VPS13C: variants seen among roughly 807,000 people sequenced by gnomAD.
The protein encoded by VPS13C is intermembrane lipid transfer protein VPS13C.
A neutral mutation model predicts 456.8 loss-of-function variants in VPS13C; 358 were observed. The observed-to-expected ratio is 0.78, with a 90% CI of 0.72 to 0.86. VPS13C has a LOEUF of 0.86. Among genes scored for constraint, VPS13C ranks in the 40% least tolerant of loss-of-function variants. The pLI is 0.00. For missense variants in VPS13C, 4,818 were observed against 4,385.4 expected (o/e 1.10, Z -2.79); for synonymous variants, 1,578 against 1,486.7 (o/e 1.06, Z -1.41).
chr15:62,038,868 A>G (rs11634312), intron 3 of VPS13C, among the ~76,000 whole-genome samples: 9,112 of 152,304 alleles, frequency 0.06, 343 homozygotes, highest in Non-Finnish European at 0.085. Flanking sequence ...ATAACTAATT[A>G]TCAGAGAAAT....
chr15:61,918,011 G>T, intron 59 of VPS13C, 125 bp downstream of exon 59: 2 of 936,882 alleles, frequency 2.1e-6, no homozygotes, highest in Non-Finnish European at 3.1e-6. Context: ...CTCAATGGAA[G>T]ACTAAATTAT....
chr15:61,864,477 A>G lies in VPS13C; in HGVS notation c.10864-949T>C, dbSNP rs1362616230. 4 of 820,426 alleles carry G rather than the reference A, an allele frequency of 4.9e-6. No homozygotes were observed. The South Asian group carries it at 1.7e-4, about 34-fold the overall frequency. 50.8% of individuals were successfully genotyped at this position (820,426 alleles called of 1,614,324 possible). ...AAATAGATAATATATATGAAAATAC[A>G]GAACATAAATATACTGAATAAATAA... On this transcript the variant is annotated intron_variant, in intron 81 of 84. Transcript: ENST00000644861.
rs910227894 is a variant in VPS13C at position 61,873,897 on chromosome 15, T to C, written c.10415-488A>G. On this transcript the variant is annotated intron_variant, in intron 77 of 84. Transcript: ENST00000644861. Reference sequence around the variant, plus strand: ...ATGTTTACTGCAGCACTAGTGACAATAGCTAACATATGCAATCAATCTAAG... The same window carrying C: ...ATGTTTACTGCAGCACTAGTGACAACAGCTAACATATGCAATCAATCTAAG... 5.9e-5 allele frequency among the ~76,000 whole-genome samples: 9 copies of C among 151,688 alleles called. 1 individual carries two copies. Among genetic ancestry groups the C allele is most frequent in the Non-Finnish European group, 1.2e-4 (8 of 67,938 alleles).
In VPS13C at chr15:61,915,672, T is replaced by C; in HGVS notation, c.8406A>G (p.Leu2802=). The C allele has an allele frequency of 6.2e-7, 1 of 1,602,320 alleles. No individual in the cohort carries two copies. Among genetic ancestry groups the C allele is most frequent in the Admixed American group, 1.8e-5 (1 of 56,772 alleles). ...KHPADFRDII[L]FSFKKKNIFT... The stretch of plus-strand genomic sequence containing the variant: ...AAATGTTCTTCTTCTTGAAAGAAAA[T>C]AAAATAATATCCCTGAAATCAGCTG... The change falls in exon 61 of 85, where the codon TTA becomes TTG. Residue 2802 remains leucine (L), a synonymous_variant. Coordinates refer to ENST00000644861, the MANE Select transcript of VPS13C (RefSeq NM_020821.3).
chr15:62,005,202 C>G (rs905496689), intron 15 of VPS13C, among the ~76,000 whole-genome samples: 1 of 152,132 alleles, frequency 6.6e-6, no homozygotes, highest in East Asian at 1.9e-4. Context: ...AATCTGGGTG[C>G]TCCTGTATTG....
chr15:61,999,392 A>AAG (rs563952682), intron 16 of VPS13C, among the ~76,000 whole-genome samples: 4 of 151,252 alleles, frequency 2.6e-5, no homozygotes, highest in Admixed American at 2.0e-4. Flanking sequence ...AAAAAAAAAA[A>AAG]AGAGAGAGAG....
intron 48 of VPS13C, 129 bp downstream of exon 48, chr15:61,936,468 T>C (rs2044229352): frequency 1.1e-6 from 1 of 908,372 alleles, no homozygotes; most frequent in African/African-American, 1.7e-5. Context: ...CAGCCGAATT[T>C]CCACAGTAAG....
intron 3 of VPS13C, among the ~76,000 whole-genome samples, chr15:62,038,315 G>A (rs1013920793): frequency 1.3e-5 from 2 of 152,108 alleles, no homozygotes; most frequent in Admixed American, 6.6e-5. Flanking sequence ...TAGGCCAAGC[G>A]TGGTGACTCA....
At position 61,922,620 on chromosome 15, in the gene VPS13C, A is replaced by C; in HGVS notation, c.6752T>G (p.Phe2251Cys). The C allele has an allele frequency of 6.2e-7, 1 of 1,614,070 alleles. No individual in the cohort carries two copies. The highest frequency in any genetic ancestry group is 1.1e-5 in the South Asian group (1 of 91,072). Residue 2251 changes from phenylalanine (F) to cysteine (C), a missense_variant, in exon 54 of 85, where the codon TTT (phenylalanine) becomes TGT (cysteine). By Grantham distance (205) the Phe-to-Cys change is radical. Transcript: ENST00000644861. ...IKSINDYNTW[F>C]LGVDTATEIT... is the part of the protein sequence containing the mutation. ...TTCTGTTGCCGTGTCAACACCAAGA[A>C]ACCAAGTGTTATAATCATTAATCGA...
chr15:61,955,230 G>A (rs751717680), intron 37 of VPS13C, among the ~76,000 whole-genome samples: 3 of 152,100 alleles, frequency 2.0e-5, no homozygotes, highest in Non-Finnish European at 4.4e-5. Flanking sequence ...TCTGTATATG[G>A]ACTGTTCTAT....
intron 47 of VPS13C, among the ~76,000 whole-genome samples, chr15:61,937,591 C>T (rs139926311): frequency 9.8e-4 from 150 of 152,330 alleles, no homozygotes; most frequent in African/African-American, 3.0e-3. Context: ...TCTCCTGCCT[C>T]AACCTCGTGA....
Position 61,978,628 on chromosome 15 carries a change from G to C in VPS13C, c.2288C>G (p.Ala763Gly). 1 of 1,610,544 alleles carries C rather than the reference G, an allele frequency of 6.2e-7. No homozygotes were observed. Among genetic ancestry groups the C allele is most frequent in the Non-Finnish European group, 8.5e-7 (1 of 1,178,776 alleles). The change falls in exon 23 of 85, where the codon GCA (alanine) becomes GGA (glycine). Residue 763 changes from alanine to glycine, a missense_variant and splice_region_variant. Around this residue, in one of 3 missense-constraint regions of VPS13C, gnomAD observed 4,552 missense variants for 4,130.6 expected, o/e 1.10. Coordinates refer to ENST00000644861, the MANE Select transcript of VPS13C (RefSeq NM_020821.3). ...CTAAAAGCTGAATAACGGTTTACCT[G>C]CTCTTGCAAAAAGTAGTTGTACATT... ...IKNVQLLFAR[A>G]EETWKKCRFQ...
chr15:61,872,763 A>C lies in VPS13C; in HGVS notation c.10578+483T>G, dbSNP rs544515635. Among the ~76,000 whole-genome samples, 5 of 152,230 alleles carry C rather than the reference A, an allele frequency of 3.3e-5. No individual in the cohort carries two copies. In the East Asian group the frequency reaches 9.6e-4, roughly 29 times the overall value. On this transcript the variant is annotated intron_variant, in intron 78 of 84. Coordinates refer to ENST00000644861, the MANE Select transcript of VPS13C (RefSeq NM_020821.3). The stretch of plus-strand genomic sequence containing the variant: ...AATGTTTTATTTACTTATTAACAAT[A>C]ACTTTTAAGTTCTTATAATTATAAG...
At chr15:62,019,504 G>T (rs1447779020) in intron 9 of VPS13C, among the ~76,000 whole-genome samples, 1 of 152,014 alleles carries the variant, frequency 6.6e-6, no homozygotes, top group Non-Finnish European at 1.5e-5. Context: ...GTTCTCGTTG[G>T]TTTCAAAGAA....
intron 15 of VPS13C, 29 bp downstream of exon 15, chr15:62,007,279 T>C: frequency 6.9e-7 from 1 of 1,440,506 alleles, no homozygotes; most frequent in South Asian, 1.7e-5. Context: ...AGACAAATAA[T>C]AGCTCTCACT....
Position 62,033,464 on chromosome 15 carries a change from GC to G in VPS13C, c.361del (p.Ala121ProfsTer70). 1 of 1,604,092 alleles carries G rather than the reference GC, an allele frequency of 6.2e-7. No homozygotes were observed. Among genetic ancestry groups the G allele is most frequent in the Non-Finnish European group, 8.5e-7 (1 of 1,174,966 alleles). On this transcript the variant is annotated frameshift_variant, in exon 5 of 85. Transcript: ENST00000644861. LOFTEE classifies it high-confidence loss of function. ...KQKELSRIEE[A>X]LQKAAEKGTH... ...ACCTTTTTCTGCTGCTTTTTGAAGG[GC>G]TTCTTCAATTCGGGATAGCTCTTTC...
chr15:62,057,102 G>A (rs12909673), intron 1 of VPS13C, among the ~76,000 whole-genome samples: 11,195 of 151,834 alleles, frequency 0.074, 447 homozygotes, highest in Non-Finnish European at 0.084. Flanking sequence ...CTCTCTCGTC[G>A]CCGCACACAG....
intron 47 of VPS13C, among the ~76,000 whole-genome samples, chr15:61,938,830 C>T (rs980905901): frequency 1.3e-5 from 2 of 152,144 alleles, no homozygotes; most frequent in African/African-American, 4.8e-5. Context: ...TTCCCTTCTC[C>T]TTTCGCCCTT....
At chr15:61,968,887 G>C (rs1297582188) in intron 28 of VPS13C, among the ~76,000 whole-genome samples, 1 of 152,016 alleles carries the variant, frequency 6.6e-6, no homozygotes, top group Non-Finnish European at 1.5e-5. Context: ...TATTCAGTAA[G>C]CCACTTAATC....
Sources: gnomAD v4.1 joint callset for allele counts (sites outside exome capture counted in the v4.1 genomes callset) on GRCh38, gnomAD v4.1.1 for gene constraint, gnomAD v4.1.1 regional missense constraint, MANE v1.5 for transcripts, NCBI Gene and HGNC (gene_info 2026-07-23, HGNC 2026-07-21) for gene names.